MFSD2A: variants seen among roughly 807,000 people sequenced by gnomAD.
MFSD2A encodes the protein sodium-dependent lysophosphatidylcholine symporter 1.
In MFSD2A, 27 loss-of-function variants were observed where a neutral mutation model predicts 64.7. The observed-to-expected ratio is 0.42, with a 90% CI of 0.31 to 0.58. The LOEUF is 0.58. Among genes scored for constraint, MFSD2A ranks in the 20% least tolerant of loss-of-function variants. The pLI is 0.18. For missense variants in MFSD2A, 474 were observed against 679.5 expected (o/e 0.70, Z 3.36); for synonymous variants, 258 against 273.4 (o/e 0.94, Z 0.55).
At chr1:39,961,996 G>T (rs1438427784) in intron 3 of MFSD2A, among the ~76,000 whole-genome samples, 1 of 152,232 alleles carries the variant, frequency 6.6e-6, no homozygotes, top group African/African-American at 2.4e-5. Context: ...CAACTCTCCT[G>T]CTGAGCTTCC....
chr1:39,967,909 C>CT lies in MFSD2A; in HGVS notation c.1202dup (p.Pro402ThrfsTer7). ...CATCAGTGTGGCAGCTGCCTTCTTA[C>CT]TACCCTGGTAGGTATATACAGGCCC... On this transcript the variant is annotated frameshift_variant, in exon 11 of 14. Transcript: ENST00000372811. LOFTEE classifies it high-confidence loss of function. 1 of 1,607,590 alleles carries CT rather than the reference C, an allele frequency of 6.2e-7. No homozygotes were observed.
At chr1:39,966,717 C>T (rs1203678631) in intron 7 of MFSD2A, 26 bp downstream of exon 7, 5 of 1,612,924 alleles carry the variant, frequency 3.1e-6, no homozygotes, top group Non-Finnish European at 4.2e-6. Context: ...GGAAGGGGTG[C>T]AGGCCTCAGC....
Position 39,964,686 on chromosome 1 carries a change from ATGTGAATGGGGGTGTG to A in MFSD2A, c.354-513_354-498del, listed in dbSNP as rs1645116131. 6.6e-6 allele frequency: 1 copy of A among 150,944 alleles called. No homozygotes were observed. The highest frequency in any genetic ancestry group is 2.0e-4 in the South Asian group (1 of 5,030). 9.4% of individuals were successfully genotyped at this position (150,944 alleles called of 1,614,324 possible). ...TGTGAATGGGGTGTGTGAAGTGTGT[ATGTGAATGGGGGTGTG>A]TGTGAATGGGGTGTGTGTGTGTGAA... On this transcript the variant is annotated intron_variant, in intron 3 of 13. Transcript: ENST00000372811. The surrounding 1 kb of genome is among the most constrained non-coding windows in gnomAD (Gnocchi z 4.1).
rs1298027306 is a variant in MFSD2A, at chr1:39,969,519, G to C, written c.1544G>C (p.Ser515Thr). 1 of 1,598,808 alleles carries C rather than the reference G, an allele frequency of 6.3e-7. No individual in the cohort carries two copies. Among genetic ancestry groups the C allele is most frequent in the African/African-American group, 1.4e-5 (1 of 73,600 alleles). Residue 515 changes from serine (S) to threonine (T), a missense_variant, in exon 14 of 14, where the codon AGC becomes ACC. By Grantham distance (58) the Ser-to-Thr change is moderately conservative. Coordinates refer to ENST00000372811, the MANE Select transcript of MFSD2A (RefSeq NM_032793.5). Reference protein sequence around the residue: ...ALQALRDEASSSGCSETDSTE... With the variant: ...ALQALRDEASTSGCSETDSTE... Reference sequence around the variant, plus strand: ...CTCTCTTGCAGGGACGAGGCCAGCAGCTCTGGCTGCTCAGAAACAGACTCC... The same window carrying C: ...CTCTCTTGCAGGGACGAGGCCAGCACCTCTGGCTGCTCAGAAACAGACTCC...
chr1:39,961,651 T>C (rs1193049972), intron 3 of MFSD2A, among the ~76,000 whole-genome samples: 2 of 150,742 alleles, frequency 1.3e-5, no homozygotes, highest in African/African-American at 4.9e-5. Flanking sequence ...CTGGCCCTTT[T>C]CCTTTTTTCT....
In MFSD2A at chr1:39,969,597, G is replaced by A; in HGVS notation, c.*29G>A. On this transcript the variant is annotated 3_prime_UTR_variant, in exon 14 of 14. Coordinates refer to ENST00000372811, the MANE Select transcript of MFSD2A (RefSeq NM_032793.5). ...CCGCCACGTTGCCCGAAGCCACCATGCAGAAGGCCACAGAAGGGATCAGGA... is the reference window on the plus strand; with the variant it reads ...CCGCCACGTTGCCCGAAGCCACCATACAGAAGGCCACAGAAGGGATCAGGA... 1 of 1,604,046 alleles carries A rather than the reference G, an allele frequency of 6.2e-7. No individual in the cohort carries two copies. The highest frequency in any genetic ancestry group is 1.7e-5 in the Admixed American group (1 of 59,156).
In MFSD2A at chr1:39,955,493, G is replaced by A; in HGVS notation, c.93+108G>A. ...GGTCAGGGGACCATTGGGATAGCCA[G>A]GGACAGGAAGCCTACGAGCCAGAGA... On this transcript the variant is annotated intron_variant, in intron 1 of 13. Transcript: ENST00000372811. The surrounding 1 kb of genome is among the most constrained non-coding windows in gnomAD (Gnocchi z 5.9). The A allele has an allele frequency of 8.4e-7, 1 of 1,187,738 alleles. No individual in the cohort carries two copies. The highest frequency in any genetic ancestry group is 1.2e-6 in the Non-Finnish European group (1 of 827,692). 73.6% of individuals were successfully genotyped at this position (1,187,738 alleles called of 1,614,324 possible). A position where few individuals can be genotyped will look rare whatever the true frequency, so the allele number is the denominator to read the frequency against.
At chr1:39,957,052 A>G (rs1644945434) in intron 1 of MFSD2A, 35 bp from the exon 2 acceptor site, 1 of 1,613,188 alleles carries the variant, frequency 6.2e-7, no homozygotes, top group African/African-American at 1.3e-5. Flanking sequence ...GGAGGCCAGA[A>G]CCTTGGGCCT....
At position 39,969,597 on chromosome 1, in the gene MFSD2A, G is replaced by GCAGAA; in HGVS notation, c.*30_*34dup. 6.2e-7 allele frequency: 1 copy of GCAGAA among 1,604,046 alleles called. No individual in the cohort carries two copies. The highest frequency in any genetic ancestry group is 8.5e-7 in the Non-Finnish European group (1 of 1,174,436). ...CCGCCACGTTGCCCGAAGCCACCAT[G>GCAGAA]CAGAAGGCCACAGAAGGGATCAGGA... On this transcript the variant is annotated 3_prime_UTR_variant, in exon 14 of 14. Coordinates refer to ENST00000372811, the MANE Select transcript of MFSD2A (RefSeq NM_032793.5).
rs1306753975 is a variant in MFSD2A at position 39,968,395 on chromosome 1, G to A, written c.1270G>A (p.Glu424Lys). 2 of 1,613,972 alleles carry A rather than the reference G, an allele frequency of 1.2e-6. No homozygotes were observed. Among genetic ancestry groups the A allele is most frequent in the Non-Finnish European group, 1.7e-6 (2 of 1,180,026 alleles). ...GAAGCAGCCCCACTTCCATGGAACC[G>A]AGCCCATCTTCTTCTCCTTCTATGT... ...HLKQPHFHGTEPIFFSFYVFF... is the reference protein window; with the variant it reads ...HLKQPHFHGTKPIFFSFYVFF... The change falls in exon 12 of 14, where the codon GAG becomes AAG. Residue 424 changes from glutamate (E) to lysine (K), a missense_variant. Glu to Lys is a moderately conservative substitution (Grantham distance 56). Transcript: ENST00000372811. This position sits in a 1 kb window ranked among gnomAD's most constrained non-coding sequence, Gnocchi z 4.4.
rs1392127773 is a variant in MFSD2A at position 39,960,360 on chromosome 1, T to C, written c.353+1535T>C. 6.6e-6 allele frequency among the ~76,000 whole-genome samples: 1 copy of C among 152,162 alleles called. No homozygotes were observed. Among genetic ancestry groups the C allele is most frequent in the African/African-American group, 2.4e-5 (1 of 41,446 alleles). On this transcript the variant is annotated intron_variant, in intron 3 of 13. Coordinates refer to ENST00000372811, the MANE Select transcript of MFSD2A (RefSeq NM_032793.5). The surrounding 1 kb of genome is among the most constrained non-coding windows in gnomAD (Gnocchi z 4.8). ...CGCAACCCCTTCCCCCACTACAGCTTCCTTTCCCACGAGGCCCCCCACCCA... is the reference window on the plus strand; with the variant it reads ...CGCAACCCCTTCCCCCACTACAGCTCCCTTTCCCACGAGGCCCCCCACCCA...
rs1644905644 is a variant in MFSD2A, at chr1:39,955,479, C to T, written c.93+94C>T. ...CCCGGGGTCGGCCTGGTCAGGGGACCATTGGGATAGCCAGGGACAGGAAGC... is the reference window on the plus strand; with the variant it reads ...CCCGGGGTCGGCCTGGTCAGGGGACTATTGGGATAGCCAGGGACAGGAAGC... On this transcript the variant is annotated intron_variant, in intron 1 of 13. Transcript: ENST00000372811. This position sits in a 1 kb window ranked among gnomAD's most constrained non-coding sequence, Gnocchi z 5.9. The T allele has an allele frequency of 3.1e-6, 4 of 1,284,988 alleles. No individual in the cohort carries two copies. Among genetic ancestry groups the T allele is most frequent in the Non-Finnish European group, 4.4e-6 (4 of 914,866 alleles). 79.6% of individuals were successfully genotyped at this position (1,284,988 alleles called of 1,614,324 possible).
Position 39,965,579 on chromosome 1 carries a change from C to T in MFSD2A, c.556+30C>T, listed in dbSNP as rs992654411. The T allele has an allele frequency of 4.7e-5, 75 of 1,603,198 alleles. No homozygotes were observed. Among genetic ancestry groups the T allele is most frequent in the Non-Finnish European group, 5.9e-5 (69 of 1,170,300 alleles). On this transcript the variant is annotated intron_variant, in intron 5 of 13. Transcript: ENST00000372811. This position sits in a 1 kb window ranked among gnomAD's most constrained non-coding sequence, Gnocchi z 5.5. ...GTCTCCCCAGCCCACCTGACCCCAC[C>T]CTCCAGGGACCCTCCAGCCATACTT...
chr1:39,968,832 C>A lies in MFSD2A; in HGVS notation c.1529+87C>A. 1 of 1,432,022 alleles carries A rather than the reference C, an allele frequency of 7.0e-7. No individual in the cohort carries two copies. The highest frequency in any genetic ancestry group is 9.6e-7 in the Non-Finnish European group (1 of 1,042,200). 88.7% of individuals were successfully genotyped at this position (1,432,022 alleles called of 1,614,324 possible). On this transcript the variant is annotated intron_variant, in intron 13 of 13. Coordinates refer to ENST00000372811, the MANE Select transcript of MFSD2A (RefSeq NM_032793.5). The surrounding 1 kb of genome is among the most constrained non-coding windows in gnomAD (Gnocchi z 4.4). ...TGTGTCTCCTGTGGCCAAGTCCAGA[C>A]TCACCCCCCACACATCTTCTCTGGA... is the stretch of plus-strand genomic sequence containing the variant.
rs565674154 is a variant in MFSD2A, at chr1:39,965,191, C to G, written c.354-20C>G. The G allele has an allele frequency of 2.5e-6, 4 of 1,613,814 alleles. No individual in the cohort carries two copies. The highest frequency in any genetic ancestry group is 3.3e-5 in the Admixed American group (2 of 60,014). ...TGGGCTCCAGCCTCCAGCCTCCACT[C>G]ACACCCTCCTCTTCCTCAGGATCAT... is the stretch of plus-strand genomic sequence containing the variant. On this transcript the variant is annotated intron_variant, in intron 3 of 13. Coordinates refer to ENST00000372811, the MANE Select transcript of MFSD2A (RefSeq NM_032793.5). This position sits in a 1 kb window ranked among gnomAD's most constrained non-coding sequence, Gnocchi z 5.5.
rs77145704 is a variant in MFSD2A, at chr1:39,957,295, C to T, written c.228+74C>T. On this transcript the variant is annotated intron_variant, in intron 2 of 13. Transcript: ENST00000372811. ...AAGACTATGCACCCCTGGGTCAGTT[C>T]GCTCAGTTTTCCCCATCTGTGAAAT... 1,226 of 1,428,846 alleles carry T rather than the reference C, an allele frequency of 8.6e-4. 18 individuals are homozygous for T. The African/African-American group carries it at 0.015, about 18-fold the overall frequency. 88.5% of individuals were successfully genotyped at this position (1,428,846 alleles called of 1,614,324 possible).
chr1:39,965,280 C>T lies in MFSD2A; in HGVS notation c.423C>T (p.His141=), dbSNP rs374253201. 2.9e-5 allele frequency: 47 copies of T among 1,614,032 alleles called. No individual in the cohort carries two copies. Among genetic ancestry groups the T allele is most frequent in the Middle Eastern group, 1.6e-4 (1 of 6,084 alleles). The change falls in exon 4 of 14, where the codon CAC becomes CAT. Residue 141 remains histidine (H), a synonymous_variant. Coordinates refer to ENST00000372811, the MANE Select transcript of MFSD2A (RefSeq NM_032793.5). This position sits in a 1 kb window ranked among gnomAD's most constrained non-coding sequence, Gnocchi z 5.5. ...FLIWFVPDFP[H]GQTYWYLLFY... is the part of the protein sequence containing the mutation. ...TCTGGTTCGTGCCCGACTTCCCACA[C>T]GGCCAGACCTATTGGTACCTGCTTT...
chr1:39,967,628 C>A lies in MFSD2A; in HGVS notation c.1012C>A (p.Leu338Ile). Residue 338 changes from leucine (L) to isoleucine (I), a missense_variant and splice_region_variant, in exon 10 of 14, where the codon CTC becomes ATC. By Grantham distance (5) the Leu-to-Ile change is conservative (BLOSUM62 2). Coordinates refer to ENST00000372811, the MANE Select transcript of MFSD2A (RefSeq NM_032793.5). ...TTTAACCCCCTTTGTCCATCCACAG[C>A]TCTCGGCCACTTTAACCATTCCCAT... ...EFQNLLLAIM[L>I]SATLTIPIWQ... 6.2e-7 allele frequency: 1 copy of A among 1,614,032 alleles called. No homozygotes were observed. The highest frequency in any genetic ancestry group is 8.5e-7 in the Non-Finnish European group (1 of 1,179,960).
chr1:39,961,593 C>T (rs917935568), intron 3 of MFSD2A, among the ~76,000 whole-genome samples: 12 of 151,608 alleles, frequency 7.9e-5, no homozygotes, highest in African/African-American at 2.4e-4. Context: ...GTGATCTGCC[C>T]GCCTCGGCCT....
Sources: allele counts gnomAD v4.1 joint callset (sites outside exome capture counted in the v4.1 genomes callset), GRCh38; gene constraint gnomAD v4.1.1; non-coding constraint Gnocchi (gnomAD v3.1); transcripts MANE v1.5; gene names NCBI Gene and HGNC (gene_info 2026-07-23, HGNC 2026-07-21).